COBL: variants seen among roughly 807,000 people sequenced by gnomAD.
COBL encodes cordon-bleu WH2 repeat protein, also known as protein cordon-bleu.
COBL carries 51 observed loss-of-function variants against 98.8 expected under a neutral mutation model. The ratio of observed to expected loss-of-function variants is 0.52; its 90% CI spans 0.41 to 0.65. The LOEUF is 0.65. Ranked by LOEUF, COBL falls within the 30% of genes least tolerant of loss-of-function variation. COBL has a pLI of 0.00. For synonymous variants in COBL, 634 were observed against 651.7 expected (o/e 0.97, Z 0.41); for missense variants, 1,617 against 1,617.5 (o/e 1.00, Z 0.01).
rs142358731 is a variant in COBL, at chr7:51,167,081, A to C, written c.783+17021T>G. Among the ~76,000 whole-genome samples, 868 of 152,318 alleles carry C rather than the reference A, an allele frequency of 5.7e-3. 10 individuals are homozygous for C. Among genetic ancestry groups the C allele is most frequent in the South Asian group, 0.039 (190 of 4,826 alleles). Reference sequence around the variant, plus strand: ...CCCACTTTCACCACTGTAATTCAACATAATACTGGAAGTCCTGGCTAGGCA... The same window carrying C: ...CCCACTTTCACCACTGTAATTCAACCTAATACTGGAAGTCCTGGCTAGGCA... On this transcript the variant is annotated intron_variant, in intron 5 of 12. Coordinates refer to ENST00000265136, the MANE Select transcript of COBL (RefSeq NM_015198.5).
chr7:51,205,340 G>A lies in COBL; in HGVS notation c.246-11751C>T, dbSNP rs114722799. Among the ~76,000 whole-genome samples the A allele has an allele frequency of 7.3e-3, 1,111 of 152,218 alleles. 13 individuals are homozygous for A. The highest frequency in any genetic ancestry group is 0.026 in the African/African-American group (1,079 of 41,546). On this transcript the variant is annotated intron_variant, in intron 2 of 12. Coordinates refer to ENST00000265136, the MANE Select transcript of COBL (RefSeq NM_015198.5). ...ACATGTAGACTAATGGAACAAAATA[G>A]AGAGCCCAAAAATAAATCCATGCAT...
At chr7:51,242,094 T>A (rs746296628) in intron 1 of COBL, among the ~76,000 whole-genome samples, 4 of 152,072 alleles carry the variant, frequency 2.6e-5, no homozygotes, top group Non-Finnish European at 4.4e-5. Flanking sequence ...TGCGTAAGAG[T>A]ATAACTTTGT....
chr7:51,194,684 G>A (rs1040869886), intron 2 of COBL, among the ~76,000 whole-genome samples: 2 of 151,946 alleles, frequency 1.3e-5, no homozygotes, highest in Non-Finnish European at 2.9e-5. Context: ...ATCTCATTGC[G>A]GTTTTGATTT....
chr7:51,259,827 T>G lies in COBL; in HGVS notation c.42-39883A>C. The G allele has an allele frequency of 1.3e-5, 10 of 754,058 alleles. No homozygotes were observed. In the South Asian group the frequency reaches 1.3e-4, roughly 10 times the overall value. 46.7% of individuals were successfully genotyped at this position (754,058 alleles called of 1,614,324 possible). On this transcript the variant is annotated intron_variant, in intron 1 of 12. Transcript: ENST00000265136. ...ACTTTTACAAAGATACCACTAAAAA[T>G]TTTCTTTAGGCGAAGTCTTGCCATG...
intron 5 of COBL, among the ~76,000 whole-genome samples, chr7:51,150,360 G>C (rs1258022139): frequency 1.3e-5 from 2 of 152,172 alleles, no homozygotes; most frequent in African/African-American, 2.4e-5. Context: ...GAAAGGAAGA[G>C]AAGTCACTCG....
chr7:51,145,383 T>C (rs1784927428), intron 5 of COBL, among the ~76,000 whole-genome samples: 1 of 123,548 alleles, frequency 8.1e-6, no homozygotes, highest in African/African-American at 3.0e-5. Flanking sequence ...TTTCTTTTTT[T>C]TTTCTTTTTT....
intron 1 of COBL, among the ~76,000 whole-genome samples, chr7:51,287,397 A>G (rs760739206): frequency 6.6e-6 from 1 of 152,230 alleles, no homozygotes; most frequent in Non-Finnish European, 1.5e-5. Context: ...CGCCATCGTT[A>G]GCCTTTAGGT....
At chr7:51,128,921 C>A (rs1448996198) in intron 6 of COBL, among the ~76,000 whole-genome samples, 1 of 152,222 alleles carries the variant, frequency 6.6e-6, no homozygotes. Flanking sequence ...CCCTGCCCGA[C>A]CTCGCACTGA....
intron 2 of COBL, among the ~76,000 whole-genome samples, chr7:51,211,685 A>G (rs115611241): frequency 6.6e-6 from 1 of 152,222 alleles, no homozygotes; most frequent in South Asian, 2.1e-4. Flanking sequence ...GCAATGCAGA[A>G]TAGAGTTTCT....
At chr7:51,188,438 C>T (rs952329814) in intron 4 of COBL, among the ~76,000 whole-genome samples, 1 of 152,208 alleles carries the variant, frequency 6.6e-6, no homozygotes. Flanking sequence ...CTTTTCTTTT[C>T]GAATATTTGA....
intron 5 of COBL, among the ~76,000 whole-genome samples, chr7:51,149,787 G>C: frequency 6.6e-6 from 1 of 152,118 alleles, no homozygotes; most frequent in South Asian, 2.1e-4. Context: ...TGTATTCTTC[G>C]TAGAGCTGCG....
intron 7 of COBL, among the ~76,000 whole-genome samples, chr7:51,046,070 G>A (rs1247554828): frequency 6.6e-6 from 1 of 152,182 alleles, no homozygotes; most frequent in East Asian, 1.9e-4. Context: ...GGGGGTGGGG[G>A]GGCCTGCTCT....
chr7:51,230,196 C>A (rs1794616500), intron 1 of COBL, among the ~76,000 whole-genome samples: 1 of 152,164 alleles, frequency 6.6e-6, no homozygotes, highest in African/African-American at 2.4e-5. Flanking sequence ...GACACCACAC[C>A]TGCAGCACAC....
chr7:51,038,689 T>C (rs951572510), intron 8 of COBL, among the ~76,000 whole-genome samples: 23 of 152,322 alleles, frequency 1.5e-4, no homozygotes, highest in Admixed American at 5.9e-4. Context: ...TGATAAACTA[T>C]GAGAAATCCT....
chr7:51,076,967 T>C (rs1793141322), intron 7 of COBL, among the ~76,000 whole-genome samples: 1 of 152,228 alleles, frequency 6.6e-6, no homozygotes, highest in Non-Finnish European at 1.5e-5. Context: ...AGATAATTCA[T>C]AACTTGTTAA....
At chr7:51,097,516 T>G (rs966702260) in intron 6 of COBL, among the ~76,000 whole-genome samples, 4 of 152,336 alleles carry the variant, frequency 2.6e-5, no homozygotes, top group African/African-American at 9.6e-5. Context: ...AAATTATTCC[T>G]TTTGCATATA....
intron 7 of COBL, among the ~76,000 whole-genome samples, chr7:51,077,746 C>G (rs1264980067): frequency 6.6e-6 from 1 of 152,192 alleles, no homozygotes; most frequent in Non-Finnish European, 1.5e-5. Context: ...TATTCTACTG[C>G]TAGGAGCATT....
chr7:51,229,132 G>C (rs965065475), intron 1 of COBL, among the ~76,000 whole-genome samples: 34 of 152,332 alleles, frequency 2.2e-4, no homozygotes, highest in African/African-American at 7.9e-4. Context: ...GGAGCTAACG[G>C]ACAGAAACCG....
intron 1 of COBL, among the ~76,000 whole-genome samples, chr7:51,296,398 G>A (rs1342629189): frequency 6.6e-6 from 1 of 152,036 alleles, no homozygotes; most frequent in Non-Finnish European, 1.5e-5. Context: ...CCTAACATGG[G>A]AGATGTTTGA....
Sources: gnomAD v4.1 joint callset for allele counts (sites outside exome capture counted in the v4.1 genomes callset) on GRCh38, gnomAD v4.1.1 for gene constraint, MANE v1.5 for transcripts, NCBI Gene and HGNC (gene_info 2026-07-23, HGNC 2026-07-21) for gene names.